The following BAZ2B variants were observed in gnomAD, a reference collection of about 807,000 sequenced individuals.
The protein encoded by BAZ2B is bromodomain adjacent to zinc finger domain protein 2B.
Under a neutral mutation model 246.0 loss-of-function variants are expected in BAZ2B, and 91 were observed. The observed-to-expected ratio is 0.37, with a 90% CI of 0.31 to 0.44. The LOEUF is 0.44. Ranked by LOEUF, BAZ2B falls within the 20% of genes least tolerant of loss-of-function variation. The pLI is 1.00. For synonymous variants in BAZ2B, 855 were observed against 860.0 expected, an observed-to-expected ratio of 0.99 and a Z score of 0.10; for missense variants, 2,332 against 2,533.7, an observed-to-expected ratio of 0.92 and a Z score of 1.71.
chr2:159,427,287 C>G (rs1326502384), intron 13 of BAZ2B, among the ~76,000 whole-genome samples: 2 of 151,992 alleles, frequency 1.3e-5, no homozygotes, highest in Admixed American at 1.3e-4. Flanking sequence ...AGAAAACATA[C>G]AGGAAATGAG....
chr2:159,348,405 G>C (rs1429708223), intron 30 of BAZ2B, among the ~76,000 whole-genome samples: 1 of 149,258 alleles, frequency 6.7e-6, no homozygotes, highest in African/African-American at 2.5e-5. Context: ...TTATTTCTAG[G>C]TTACTTATAG....
intron 9 of BAZ2B, among the ~76,000 whole-genome samples, chr2:159,431,757 A>C (rs1468065204): frequency 2.0e-5 from 3 of 152,198 alleles, no homozygotes; most frequent in Non-Finnish European, 4.4e-5. Flanking sequence ...AGTTCTATGT[A>C]TGATGCATCC....
At chr2:159,669,838 C>G in the BAZ2B span, among the ~76,000 whole-genome samples, 1 of 152,116 alleles carries the variant, frequency 6.6e-6, no homozygotes, top group Non-Finnish European at 1.5e-5. Flanking sequence ...CTCTAACAAC[C>G]TAGCTTTAAA....
At chr2:159,370,336 T>TTA (rs1553524855) in intron 27 of BAZ2B, among the ~76,000 whole-genome samples, 27 of 144,150 alleles carry the variant, frequency 1.9e-4, no homozygotes, top group East Asian at 6.0e-4. Flanking sequence ...ATATATTTAT[T>TTA]AAAAAAAAAA....
At chr2:159,627,019 A>G in the BAZ2B span, among the ~76,000 whole-genome samples, 1 of 152,230 alleles carries the variant, frequency 6.6e-6, no homozygotes, top group African/African-American at 2.4e-5. Flanking sequence ...ACAAACTACC[A>G]TCAGAGAACA....
the BAZ2B span, among the ~76,000 whole-genome samples, chr2:159,709,145 G>GA: frequency 0.46 from 67,635 of 147,438 alleles, 15,999 homozygotes; most frequent in Middle Eastern, 0.63. Context: ...GATAAAAAAA[G>GA]AAAAAAAAAA....
intron 14 of BAZ2B, among the ~76,000 whole-genome samples, chr2:159,405,465 C>A (rs934276356): frequency 2.6e-5 from 4 of 152,146 alleles, no homozygotes. Flanking sequence ...CCCGCCTCGG[C>A]CTCCCAAAGT....
chr2:159,380,110 T>G (rs1299471434), intron 25 of BAZ2B, among the ~76,000 whole-genome samples: 2 of 152,116 alleles, frequency 1.3e-5, no homozygotes, highest in Non-Finnish European at 1.5e-5. Flanking sequence ...TCCAAAATCT[T>G]TAGAACCTTA....
intron 31 of BAZ2B, among the ~76,000 whole-genome samples, chr2:159,340,132 G>A (rs2149009485): frequency 6.6e-6 from 1 of 151,690 alleles, no homozygotes; most frequent in East Asian, 1.9e-4. Flanking sequence ...AAAAATACAA[G>A]ACTAGATCAA....
At chr2:159,545,906 T>C (rs1306969810) in intron 2 of BAZ2B, among the ~76,000 whole-genome samples, 3 of 152,134 alleles carry the variant, frequency 2.0e-5, no homozygotes, top group South Asian at 2.1e-4. Flanking sequence ...TATAGAAAAA[T>C]ACAACTACGG....
chr2:159,704,854 C>T, the BAZ2B span, among the ~76,000 whole-genome samples: 1 of 152,094 alleles, frequency 6.6e-6, no homozygotes, highest in Non-Finnish European at 1.5e-5. Context: ...AGGTGCCCAC[C>T]ACCACGCCCG....
At chr2:159,649,242 G>A in the BAZ2B span, among the ~76,000 whole-genome samples, 1 of 151,990 alleles carries the variant, frequency 6.6e-6, no homozygotes, top group Non-Finnish European at 1.5e-5. Flanking sequence ...TCACCATAAT[G>A]TAGAATGAGG....
At chr2:159,406,145 C>T (rs1402468702) in intron 14 of BAZ2B, among the ~76,000 whole-genome samples, 1 of 152,178 alleles carries the variant, frequency 6.6e-6, no homozygotes, top group African/African-American at 2.4e-5. Flanking sequence ...ATTTTCCCGT[C>T]CCTTGATTCT....
downstream of BAZ2B, among the ~76,000 whole-genome samples, chr2:159,315,760 G>T (rs1575525983): frequency 6.6e-6 from 1 of 152,312 alleles, no homozygotes; most frequent in South Asian, 2.1e-4. Flanking sequence ...AGGGTCACTT[G>T]GGGATACCTT....
chr2:159,654,764 A>G, the BAZ2B span, among the ~76,000 whole-genome samples: 1 of 152,174 alleles, frequency 6.6e-6, no homozygotes, highest in African/African-American at 2.4e-5. Context: ...CAGGGCTTCA[A>G]GACCAGCCTG....
chr2:159,591,703 T>C (rs534217402), intron 1 of BAZ2B, among the ~76,000 whole-genome samples: 7 of 152,254 alleles, frequency 4.6e-5, no homozygotes, highest in Non-Finnish European at 8.8e-5. Flanking sequence ...ACTCCTACTA[T>C]GGGTGGCCCA....
At chr2:159,583,771 G>A (rs1163378390) in intron 1 of BAZ2B, among the ~76,000 whole-genome samples, 3 of 152,218 alleles carry the variant, frequency 2.0e-5, no homozygotes, top group Admixed American at 6.5e-5. Context: ...AGCAGAAAAA[G>A]AGAGAGTACA....
intron 1 of BAZ2B, among the ~76,000 whole-genome samples, chr2:159,587,109 G>C (rs1025558525): frequency 3.4e-5 from 5 of 149,228 alleles, no homozygotes; most frequent in African/African-American, 1.2e-4. Context: ...GACGGAGTAT[G>C]GCTCTGTAGC....
At chr2:159,535,517 T>A (rs1282708596) in intron 2 of BAZ2B, among the ~76,000 whole-genome samples, 4 of 152,306 alleles carry the variant, frequency 2.6e-5, no homozygotes, top group African/African-American at 9.6e-5. Context: ...ACAGTGAGAC[T>A]CTGTCTCAAA....
Sources: allele counts gnomAD v4.1 joint callset (sites outside exome capture counted in the v4.1 genomes callset), GRCh38; gene constraint gnomAD v4.1.1; transcripts MANE v1.5; gene names NCBI Gene and HGNC (gene_info 2026-07-23, HGNC 2026-07-21).